The following WWOX variants were observed in gnomAD, a reference collection of about 807,000 sequenced individuals.
WWOX encodes the protein WW domain containing oxidoreductase, also known as WW domain-containing oxidoreductase.
A neutral mutation model predicts 46.2 loss-of-function variants in WWOX; 69 were observed. That is an observed-to-expected ratio of 1.49 (90% CI 1.23 to 1.82). The LOEUF (loss-of-function observed/expected upper bound fraction) is 1.82. Ranked by LOEUF, WWOX falls within the 40% of genes most tolerant of loss-of-function variation. The probability of loss-of-function intolerance (pLI) is 0.00; values close to 1 mark genes in which losing one functional copy is unlikely to be tolerated. For missense variants in WWOX, 919 were observed against 542.6 expected (o/e 1.69, Z -6.89); for synonymous variants, 359 against 202.6 (o/e 1.77, Z -6.56).
At chr16:79,114,534 A>T (rs2049476003) in intron 8 of WWOX, among the ~76,000 whole-genome samples, 1 of 152,056 alleles carries the variant, frequency 6.6e-6, no homozygotes, top group East Asian at 2.0e-4. Context: ...AAGCATTGCC[A>T]TCCACCACCA....
At chr16:78,764,724 C>A (rs147380065) in intron 8 of WWOX, among the ~76,000 whole-genome samples, 175 of 151,352 alleles carry the variant, frequency 1.2e-3, no homozygotes, top group African/African-American at 4.0e-3. Flanking sequence ...TCTAGTACCT[C>A]CTTCCTAAGG....
chr16:78,699,162 C>G (rs1002034306), intron 8 of WWOX, among the ~76,000 whole-genome samples: 8 of 152,180 alleles, frequency 5.3e-5, no homozygotes, highest in Non-Finnish European at 8.8e-5. Context: ...TTTATAAAAA[C>G]AGGTCACGGG....
At chr16:79,066,408 T>G (rs1040609726) in intron 8 of WWOX, among the ~76,000 whole-genome samples, 12 of 152,086 alleles carry the variant, frequency 7.9e-5, no homozygotes, top group Non-Finnish European at 1.6e-4. Context: ...TTCGTCACCA[T>G]TTTGACATCA....
intron 8 of WWOX, among the ~76,000 whole-genome samples, chr16:78,924,413 T>A (rs945176484): frequency 2.6e-5 from 4 of 152,308 alleles, no homozygotes; most frequent in African/African-American, 9.6e-5. Context: ...TATTTAAAAG[T>A]CAGACTAATG....
At chr16:78,178,322 A>G (rs1278070505) in intron 5 of WWOX, among the ~76,000 whole-genome samples, 2 of 152,204 alleles carry the variant, frequency 1.3e-5, no homozygotes, top group African/African-American at 4.8e-5. Flanking sequence ...GCAAAAGCTC[A>G]GCCAGCCTCT....
intron 8 of WWOX, among the ~76,000 whole-genome samples, chr16:78,849,349 A>G: frequency 6.7e-6 from 1 of 149,570 alleles, no homozygotes; most frequent in Non-Finnish European, 1.5e-5. Flanking sequence ...GGCGGGGGGG[A>G]TCACGAGGTC....
chr16:78,160,998 G>C (rs775447843), intron 4 of WWOX, among the ~76,000 whole-genome samples: 1 of 151,888 alleles, frequency 6.6e-6, no homozygotes. Flanking sequence ...TGTATTCTTG[G>C]TGGATTGAAA....
intron 8 of WWOX, among the ~76,000 whole-genome samples, chr16:78,555,917 G>T (rs182494254): frequency 1.8e-4 from 28 of 152,154 alleles, no homozygotes; most frequent in African/African-American, 4.3e-4. Context: ...CTACTGCAGG[G>T]TATTTATTAT....
intron 8 of WWOX, among the ~76,000 whole-genome samples, chr16:78,742,613 C>G (rs767641738): frequency 2.0e-5 from 3 of 152,212 alleles, no homozygotes; most frequent in Non-Finnish European, 2.9e-5. Flanking sequence ...AGAAATCTCT[C>G]TCCAGCTTTG....
intron 5 of WWOX, among the ~76,000 whole-genome samples, chr16:78,281,771 G>A (rs2079683119): frequency 6.6e-6 from 1 of 151,902 alleles, no homozygotes; most frequent in Admixed American, 6.6e-5. Flanking sequence ...TTTAGCCTGT[G>A]TGCTGTATAA....
intron 5 of WWOX, among the ~76,000 whole-genome samples, chr16:78,229,496 T>A (rs12931479): frequency 8.0e-5 from 10 of 125,502 alleles, no homozygotes; most frequent in African/African-American, 2.8e-4. Context: ...GTATATATAT[T>A]TATCTATATC....
intron 8 of WWOX, among the ~76,000 whole-genome samples, chr16:79,167,359 T>C (rs1567594120): frequency 6.6e-6 from 1 of 152,218 alleles, no homozygotes; most frequent in African/African-American, 2.4e-5. Flanking sequence ...GTGATTATTA[T>C]ATTATTCTTA....
At chr16:78,269,913 A>G (rs995739587) in intron 5 of WWOX, among the ~76,000 whole-genome samples, 4 of 95,568 alleles carry the variant, frequency 4.2e-5, no homozygotes, top group South Asian at 4.2e-4. Flanking sequence ...TACATAAGGA[A>G]GTTTTTTTTT....
At chr16:79,124,577 C>T (rs1035804251) in intron 8 of WWOX, among the ~76,000 whole-genome samples, 1 of 152,090 alleles carries the variant, frequency 6.6e-6, no homozygotes, top group African/African-American at 2.4e-5. Flanking sequence ...TTCCATGGCC[C>T]TGTCCCAGCC....
At chr16:79,083,008 C>G (rs1395936918) in intron 8 of WWOX, among the ~76,000 whole-genome samples, 2 of 152,148 alleles carry the variant, frequency 1.3e-5, no homozygotes, top group Non-Finnish European at 2.9e-5. Context: ...CTACCTGGCA[C>G]TCCTACCAAA....
rs375905643 is a variant in WWOX, at chr16:78,314,688, G to GTTTTTTTTTTT, written c.517-72170_517-72160dup. On this transcript the variant is annotated intron_variant, in intron 5 of 8. Transcript: ENST00000566780. ...TACAGGCACACCCCACCCTGCAGGG[G>GTTTTTTTTTTT]TTTTTTTTTTTTGTTTTTTTTTTTT... Among the ~76,000 whole-genome samples the GTTTTTTTTTTT allele has an allele frequency of 1.8e-4, 16 of 90,480 alleles. 1 individual carries two copies. Among genetic ancestry groups the GTTTTTTTTTTT allele is most frequent in the East Asian group, 4.1e-4 (1 of 2,444 alleles). The allele number at this position is 90,480 out of a possible 152,430, so 59.4% of individuals were successfully genotyped here.
At chr16:78,841,022 G>A (rs1402091742) in intron 8 of WWOX, among the ~76,000 whole-genome samples, 1 of 152,060 alleles carries the variant, frequency 6.6e-6, no homozygotes, top group Non-Finnish European at 1.5e-5. Flanking sequence ...ATCCTGTGAT[G>A]CCATAGGCAG....
intron 8 of WWOX, among the ~76,000 whole-genome samples, chr16:78,851,522 C>T (rs1361233281): frequency 3.3e-5 from 5 of 152,208 alleles, no homozygotes; most frequent in African/African-American, 9.6e-5. Context: ...GATACTTTCA[C>T]AGTGAAGCTG....
intron 8 of WWOX, among the ~76,000 whole-genome samples, chr16:78,828,399 T>C (rs2051721589): frequency 6.6e-6 from 1 of 152,074 alleles, no homozygotes; most frequent in African/African-American, 2.4e-5. Flanking sequence ...ATTTAGGCAA[T>C]ATGACCGTGT....
Sources: allele counts gnomAD v4.1 joint callset (sites outside exome capture counted in the v4.1 genomes callset), GRCh38; gene constraint gnomAD v4.1.1; transcripts MANE v1.5; gene names NCBI Gene and HGNC (gene_info 2026-07-23, HGNC 2026-07-21).